SLC35F1: variants seen among roughly 807,000 people sequenced by gnomAD.
SLC35F1 encodes chromosome 6 open reading frame 169.
SLC35F1 carries 14 observed loss-of-function variants against 48.7 expected under a neutral mutation model. The observed-to-expected ratio is 0.29, with a 90% CI of 0.19 to 0.45. The LOEUF is 0.45. Ranked by LOEUF, SLC35F1 falls within the 20% of genes least tolerant of loss-of-function variation. SLC35F1 has a pLI of 1.00. For missense variants in SLC35F1, 404 were observed against 500.0 expected (o/e 0.81, Z 1.83); for synonymous variants, 190 against 202.2 (o/e 0.94, Z 0.51).
intron 1 of SLC35F1, among the ~76,000 whole-genome samples, chr6:118,007,623 T>C (rs1777190469): frequency 6.6e-6 from 1 of 152,200 alleles, no homozygotes; most frequent in African/African-American, 2.4e-5. Context: ...TTTTATAATA[T>C]GCTCATTATT....
intron 1 of SLC35F1, among the ~76,000 whole-genome samples, chr6:118,113,846 A>G (rs1029501402): frequency 2.6e-5 from 4 of 152,148 alleles, no homozygotes; most frequent in African/African-American, 7.2e-5. Flanking sequence ...ATGTTGTGCT[A>G]TTTTACTTAT....
At chr6:118,035,842 A>C (rs576783617) in intron 1 of SLC35F1, among the ~76,000 whole-genome samples, 1,109 of 66,096 alleles carry the variant, frequency 0.017, 12 homozygotes, top group Middle Eastern at 0.057. Flanking sequence ...GCGCCCCCCC[A>C]ACCACGCCCG....
At chr6:117,997,465 A>G (rs1049311920) in intron 1 of SLC35F1, among the ~76,000 whole-genome samples, 52 of 152,020 alleles carry the variant, frequency 3.4e-4, no homozygotes, top group African/African-American at 1.3e-3. Context: ...TCCAAGACAC[A>G]TAACTGTCAG....
At chr6:118,147,869 A>G (rs1033619699) in intron 1 of SLC35F1, among the ~76,000 whole-genome samples, 2 of 152,236 alleles carry the variant, frequency 1.3e-5, no homozygotes, top group African/African-American at 2.4e-5. Context: ...ATTCAAGTCC[A>G]TGAATGCAGA....
chr6:118,147,558 T>C (rs1413505659), intron 1 of SLC35F1, among the ~76,000 whole-genome samples: 2 of 152,158 alleles, frequency 1.3e-5, no homozygotes, highest in African/African-American at 4.8e-5. Flanking sequence ...TTATTTTACA[T>C]GAAGAAGCCC....
At chr6:118,012,129 C>T (rs1294215436) in intron 1 of SLC35F1, among the ~76,000 whole-genome samples, 1 of 151,424 alleles carries the variant, frequency 6.6e-6, no homozygotes, top group African/African-American at 2.4e-5. Context: ...TATTAATGAC[C>T]AAGATGGAGA....
At chr6:118,268,810 A>C (rs1274351959) in intron 4 of SLC35F1, among the ~76,000 whole-genome samples, 2 of 151,800 alleles carry the variant, frequency 1.3e-5, no homozygotes, top group African/African-American at 2.4e-5. Context: ...GGGTTTCATC[A>C]CATTGACCAG....
intron 1 of SLC35F1, among the ~76,000 whole-genome samples, chr6:118,065,514 G>A (rs1772599418): frequency 6.6e-6 from 1 of 151,970 alleles, no homozygotes; most frequent in Non-Finnish European, 1.5e-5. Context: ...ATTACACATT[G>A]TATACATGTA....
intron 1 of SLC35F1, among the ~76,000 whole-genome samples, chr6:118,031,004 G>A (rs1052163147): frequency 6.6e-6 from 1 of 152,048 alleles, no homozygotes; most frequent in Non-Finnish European, 1.5e-5. Context: ...CAGCAAGCCT[G>A]AGTGGAAAAT....
At chr6:117,927,983 C>G (rs1776050971) in intron 1 of SLC35F1, among the ~76,000 whole-genome samples, 1 of 152,136 alleles carries the variant, frequency 6.6e-6, no homozygotes, top group African/African-American at 2.4e-5. Context: ...ACTGTGTAAG[C>G]AGCTAATTTT....
chr6:118,005,580 C>T (rs1033468275), intron 1 of SLC35F1, among the ~76,000 whole-genome samples: 2 of 152,098 alleles, frequency 1.3e-5, no homozygotes, highest in Non-Finnish European at 2.9e-5. Flanking sequence ...TGTTCTCCTT[C>T]CCTCCTTCTC....
At position 118,086,093 on chromosome 6, in the gene SLC35F1, A is replaced by AT. The variant is rs905769585; in HGVS notation, c.174-68344dup. 7.2e-5 allele frequency among the ~76,000 whole-genome samples: 11 copies of AT among 152,110 alleles called. 1 individual carries two copies. Among genetic ancestry groups the AT allele is most frequent in the South Asian group, 4.2e-4 (2 of 4,806 alleles). On this transcript the variant is annotated intron_variant, in intron 1 of 7. Coordinates refer to ENST00000360388, the MANE Select transcript of SLC35F1 (RefSeq NM_001029858.4). Reference sequence around the variant, plus strand: ...CAAGAAAATGCTACTTGGTGTATTTATTTTTTTTCAGGCACAAATGACAAA... The same window carrying AT: ...CAAGAAAATGCTACTTGGTGTATTTATTTTTTTTTCAGGCACAAATGACAAA...
intron 3 of SLC35F1, among the ~76,000 whole-genome samples, chr6:118,256,415 C>T (rs956093444): frequency 5.8e-4 from 89 of 152,166 alleles, no homozygotes; most frequent in African/African-American, 2.0e-3. Flanking sequence ...AATCACCTAC[C>T]AGTTGCCTCA....
At chr6:118,235,716 A>G (rs1775355967) in intron 3 of SLC35F1, 80 bp downstream of exon 3, 2 of 1,464,174 alleles carry the variant, frequency 1.4e-6, no homozygotes, top group South Asian at 1.3e-5. Flanking sequence ...GAAAATCTCT[A>G]TACTACAAGT....
At chr6:118,272,737 G>GTGTGTGTGTATATATA (rs201515909) in intron 4 of SLC35F1, among the ~76,000 whole-genome samples, 1 of 120,250 alleles carries the variant, frequency 8.3e-6, no homozygotes, top group African/African-American at 3.2e-5. Context: ...ATATGTGTGT[G>GTGTGTGTGTATATATA]TATATATATA....
At chr6:118,103,322 G>C (rs1197024473) in intron 1 of SLC35F1, among the ~76,000 whole-genome samples, 2 of 152,104 alleles carry the variant, frequency 1.3e-5, no homozygotes, top group African/African-American at 4.8e-5. Context: ...ACAACGTGCA[G>C]GTTTGTTACA....
chr6:118,033,896 G>A (rs578142469), intron 1 of SLC35F1, among the ~76,000 whole-genome samples: 13 of 152,186 alleles, frequency 8.5e-5, no homozygotes, highest in African/African-American at 2.4e-4. Flanking sequence ...CTTGTTCATC[G>A]TTATATTTCA....
chr6:117,921,629 G>A (rs1224672356), intron 1 of SLC35F1, among the ~76,000 whole-genome samples: 1 of 152,134 alleles, frequency 6.6e-6, no homozygotes, highest in Non-Finnish European at 1.5e-5. Context: ...AAGAAGTATA[G>A]GCAATGAGGT....
chr6:118,077,276 C>G (rs1032467463), intron 1 of SLC35F1, among the ~76,000 whole-genome samples: 1 of 152,130 alleles, frequency 6.6e-6, no homozygotes, highest in Admixed American at 6.6e-5. Context: ...TGCACATGGG[C>G]AGAGGCTTAC....
Sources: gnomAD v4.1 joint callset for allele counts (sites outside exome capture counted in the v4.1 genomes callset) on GRCh38, gnomAD v4.1.1 for gene constraint, MANE v1.5 for transcripts, NCBI Gene and HGNC (gene_info 2026-07-23, HGNC 2026-07-21) for gene names.